Variants in VAV2 observed in about 807,000 individuals in gnomAD.
VAV2 encodes vav guanine nucleotide exchange factor 2, also known as guanine nucleotide exchange factor VAV2.
VAV2 carries 67 observed loss-of-function variants against 132.5 expected under a neutral mutation model. That is an observed-to-expected ratio of 0.51 (90% confidence interval 0.42 to 0.62). The LOEUF is 0.62. Ranked by LOEUF, VAV2 falls within the 20% of genes least tolerant of loss-of-function variation. The pLI, the probability that VAV2 is intolerant of heterozygous loss-of-function variation, is 0.00. For synonymous variants in VAV2, 492 were observed against 443.5 expected, an observed-to-expected ratio of 1.11 and a Z score of -1.37; for missense variants, 938 against 1,153.6, an observed-to-expected ratio of 0.81 and a Z score of 2.71.
chr9:133,795,993 G>A (rs1834697830), intron 11 of VAV2, among the ~76,000 whole-genome samples: 1 of 152,256 alleles, frequency 6.6e-6, no homozygotes, highest in African/African-American at 2.4e-5. Context: ...GAAGGGCCAT[G>A]AAGGCAGCAA....
At chr9:133,796,589 C>T (rs1194398667) in intron 10 of VAV2, 65 bp from the exon 11 acceptor site, 1 of 1,441,466 alleles carries the variant, frequency 6.9e-7, no homozygotes. Flanking sequence ...CCCACCTGTA[C>T]CCCCGCCCAC....
chr9:133,830,412 C>T (rs1056934162), intron 4 of VAV2, among the ~76,000 whole-genome samples: 5 of 152,094 alleles, frequency 3.3e-5, no homozygotes, highest in Admixed American at 6.6e-5. Flanking sequence ...ATCATGGAGG[C>T]GGTGACCCTC....
intron 25 of VAV2, 43 bp downstream of exon 25, chr9:133,774,892 G>A (rs1447764567): frequency 6.4e-7 from 1 of 1,558,632 alleles, no homozygotes; most frequent in Non-Finnish European, 8.8e-7. Context: ...CTTCAGAACG[G>A]CATTGGGGGA....
chr9:133,772,508 G>A (rs1377749738), intron 25 of VAV2, among the ~76,000 whole-genome samples: 1 of 152,156 alleles, frequency 6.6e-6, no homozygotes, highest in African/African-American at 2.4e-5. Context: ...GGCACCGGCT[G>A]CTGCCCCTGC....
At position 133,879,969 on chromosome 9, in the gene VAV2, A is replaced by C. The variant is rs1289300732; in HGVS notation, c.322-18537T>G. Among the ~76,000 whole-genome samples, 1 of 152,228 alleles carries C rather than the reference A, an allele frequency of 6.6e-6. No homozygotes were observed. Among genetic ancestry groups the C allele is most frequent in the Non-Finnish European group, 1.5e-5 (1 of 68,042 alleles). On this transcript the variant is annotated intron_variant, in intron 2 of 29. Coordinates refer to ENST00000371850, the MANE Select transcript of VAV2 (RefSeq NM_001134398.2). This position sits in a 1 kb window ranked among gnomAD's most constrained non-coding sequence, Gnocchi z 4.4. The stretch of plus-strand genomic sequence containing the variant: ...TTTATGGATTTTTCTTTTCCTGTCT[A>C]AGGGTAGGATTCAAAAATGCACTTT...
chr9:133,899,889 C>T (rs1415500230), intron 2 of VAV2, among the ~76,000 whole-genome samples: 3 of 151,446 alleles, frequency 2.0e-5, no homozygotes, highest in African/African-American at 4.8e-5. Context: ...GGCGTGGTGG[C>T]GGGCACCCGT....
chr9:133,987,850 A>G (rs1842904616), intron 1 of VAV2, among the ~76,000 whole-genome samples: 1 of 152,226 alleles, frequency 6.6e-6, no homozygotes, highest in Non-Finnish European at 1.5e-5. Context: ...CAGGCACTTC[A>G]GATAAAAAAC....
rs1362654395 is a variant in VAV2 at position 133,834,240 on chromosome 9, T to C, written c.449+32A>G. 6.6e-7 allele frequency: 1 copy of C among 1,516,916 alleles called. No individual in the cohort carries two copies. Among genetic ancestry groups the C allele is most frequent in the Admixed American group, 1.8e-5 (1 of 56,900 alleles). The allele number at this position is 1,516,916 out of a possible 1,614,324, so 94.0% of individuals were successfully genotyped here. A position where few individuals can be genotyped will look rare whatever the true frequency, so the allele number is the denominator to read the frequency against. On this transcript the variant is annotated intron_variant, in intron 4 of 29. Coordinates refer to ENST00000371850, the MANE Select transcript of VAV2 (RefSeq NM_001134398.2). The surrounding 1 kb of genome is among the most constrained non-coding windows in gnomAD (Gnocchi z 5.9). ...CAGGAACCTCCCTGCCCCTCCCTCC[T>C]CTCCATCCCTCCTCCCATCCCCCCG...
At chr9:133,858,799 C>T (rs971201530) in intron 3 of VAV2, among the ~76,000 whole-genome samples, 1 of 152,210 alleles carries the variant, frequency 6.6e-6, no homozygotes, top group Admixed American at 6.5e-5. Flanking sequence ...CTGGGTCCAC[C>T]GACATGCAGC....
intron 1 of VAV2, among the ~76,000 whole-genome samples, chr9:133,975,484 C>T (rs1842474875): frequency 6.6e-6 from 1 of 152,186 alleles, no homozygotes. Context: ...CACACAAACC[C>T]CTCAATTTTC....
At position 133,873,780 on chromosome 9, in the gene VAV2, A is replaced by C. The variant is rs551309186; in HGVS notation, c.322-12348T>G. On this transcript the variant is annotated intron_variant, in intron 2 of 29. Transcript: ENST00000371850. ...AGCAGCTTAGCAGCCATCTGGTCCAAATTCTCCAATTTTGAGATGGGAAAC... is the reference window on the plus strand; with the variant it reads ...AGCAGCTTAGCAGCCATCTGGTCCACATTCTCCAATTTTGAGATGGGAAAC... 2.0e-4 allele frequency among the ~76,000 whole-genome samples: 31 copies of C among 152,282 alleles called. 1 individual carries two copies. The South Asian group carries it at 2.5e-3, about 12-fold the overall frequency.
chr9:133,976,392 G>A (rs554218029), intron 1 of VAV2, among the ~76,000 whole-genome samples: 5 of 143,202 alleles, frequency 3.5e-5, no homozygotes, highest in African/African-American at 7.5e-5. Flanking sequence ...CCCCAGCCCC[G>A]CCCAGCCCTG....
intron 2 of VAV2, among the ~76,000 whole-genome samples, chr9:133,911,692 C>T (rs947124578): frequency 2.0e-5 from 3 of 152,208 alleles, no homozygotes; most frequent in Non-Finnish European, 2.9e-5. Flanking sequence ...GCTCCCCCAT[C>T]AACCTCCTGA....
At chr9:133,841,897 G>C (rs1390950846) in intron 3 of VAV2, among the ~76,000 whole-genome samples, 1 of 152,110 alleles carries the variant, frequency 6.6e-6, no homozygotes, top group Non-Finnish European at 1.5e-5. Context: ...CTCAGCCTGA[G>C]CCCACTCTGC....
intron 4 of VAV2, among the ~76,000 whole-genome samples, chr9:133,827,212 G>GCCGGCATGCGGCCACCTTCCTGGACAC (rs1836031905): frequency 1.6e-5 from 2 of 123,688 alleles, no homozygotes; most frequent in African/African-American, 6.3e-5. Flanking sequence ...CATGGGCATC[G>GCCGGCATGCGGCCACCTTCCTGGACAC]CCAGCTACTG....
intron 2 of VAV2, among the ~76,000 whole-genome samples, chr9:133,880,152 C>G (rs556791436): frequency 3.3e-5 from 5 of 152,358 alleles, no homozygotes; most frequent in Admixed American, 2.6e-4. Context: ...AGGGGCTAGG[C>G]ATCCCTCCAC....
intron 21 of VAV2, 78 bp from the exon 22 acceptor site, chr9:133,778,967 C>G (rs1357853827): frequency 6.4e-6 from 10 of 1,565,844 alleles, no homozygotes; most frequent in Non-Finnish European, 8.7e-6. Flanking sequence ...CGCAGCCCAC[C>G]CCATCACCAA....
intron 9 of VAV2, among the ~76,000 whole-genome samples, chr9:133,803,216 G>A (rs983982940): frequency 1.3e-5 from 2 of 152,214 alleles, no homozygotes; most frequent in African/African-American, 4.8e-5. Flanking sequence ...CCAGCCCTGG[G>A]GGAGGAGGGC....
chr9:133,865,235 G>A (rs569100111), intron 2 of VAV2, among the ~76,000 whole-genome samples: 1 of 152,302 alleles, frequency 6.6e-6, no homozygotes, highest in East Asian at 1.9e-4. Flanking sequence ...GAAGAAAAAG[G>A]AAACGTAGAC....
Sources: gnomAD v4.1 joint callset for allele counts (sites outside exome capture counted in the v4.1 genomes callset) on GRCh38, gnomAD v4.1.1 for gene constraint, Gnocchi (gnomAD v3.1) non-coding constraint, MANE v1.5 for transcripts, NCBI Gene and HGNC (gene_info 2026-07-23, HGNC 2026-07-21) for gene names.